Variants in ACVRL1 observed in about 807,000 individuals in gnomAD.
ACVRL1 encodes the protein activin A receptor like type 1.
Under a neutral mutation model 51.9 loss-of-function variants are expected in ACVRL1, and 20 were observed. The ratio of observed to expected loss-of-function variants is 0.39; its 90% CI spans 0.27 to 0.56. The LOEUF (loss-of-function observed/expected upper bound fraction) is 0.56. Among genes scored for constraint, ACVRL1 ranks in the 20% least tolerant of loss-of-function variants. The pLI is 0.67. For synonymous variants in ACVRL1, 288 were observed against 280.9 expected (o/e 1.03, Z -0.25); for missense variants, 451 against 670.3 (o/e 0.67, Z 3.61).
chr12:51,912,411 C>A, intron 1 of ACVRL1, 59 bp from the exon 2 acceptor site: 1 of 1,581,330 alleles, frequency 6.3e-7, no homozygotes, highest in Non-Finnish European at 8.7e-7. Flanking sequence ...GAGGGAGCCA[C>A]GGCCAGCGGC....
intron 1 of ACVRL1, among the ~76,000 whole-genome samples, chr12:51,909,532 T>G (rs1158821866): frequency 6.6e-6 from 1 of 152,078 alleles, no homozygotes; most frequent in South Asian, 2.1e-4. Flanking sequence ...TGTCTTCATT[T>G]AAACAAATCT....
At chr12:51,916,001 GA>G (rs1310064476) in intron 7 of ACVRL1, 34 bp from the exon 8 acceptor site, 1 of 1,599,052 alleles carries the variant, frequency 6.3e-7, no homozygotes, top group African/African-American at 1.3e-5. Flanking sequence ...CCAGGTTTGG[GA>G]GAGGGGCAGG....
At chr12:51,915,866 T>C (rs1940825808) in intron 7 of ACVRL1, 170 bp from the exon 8 acceptor site, 1 of 725,704 alleles carries the variant, frequency 1.4e-6, no homozygotes, top group African/African-American at 1.8e-5. Context: ...AAGCAAAGAG[T>C]ACCTGGGGCC....
chr12:51,915,124 C>T, intron 6 of ACVRL1, 101 bp from the exon 7 acceptor site: 1 of 1,309,784 alleles, frequency 7.6e-7, no homozygotes, highest in Non-Finnish European at 1.1e-6. Flanking sequence ...TAGCAGTGAC[C>T]CAGTCCATTC....
At chr12:51,910,862 C>T (rs1042458185) in intron 1 of ACVRL1, among the ~76,000 whole-genome samples, 1 of 152,210 alleles carries the variant, frequency 6.6e-6, no homozygotes, top group African/African-American at 2.4e-5. Flanking sequence ...GTTTCCTCCC[C>T]CAGCCTGGGC....
At position 51,913,273 on chromosome 12, in the gene ACVRL1, G is replaced by A. The variant is rs1283365095; in HGVS notation, c.236G>A (p.Gly79Glu). The A allele has an allele frequency of 2.5e-6, 4 of 1,601,290 alleles. No individual in the cohort carries two copies. The highest frequency in any genetic ancestry group is 3.4e-5 in the Admixed American group (2 of 58,464). ...CGNLHRELCR[G>E]RPTEFVNHYC... ...AACTTGCACAGGGAGCTCTGCAGGG[G>A]GCGCCCCACCGAGTTCGTCAACCAC... The change falls in exon 3 of 10, where the codon GGG becomes GAG. Residue 79 changes from glycine (G) to glutamate (E), a missense_variant. Gly to Glu is a moderately conservative substitution (Grantham distance 98). This residue lies in a region of ACVRL1 where 192 missense variants were observed against 216.9 expected (regional missense o/e 0.89). Coordinates refer to ENST00000388922, the MANE Select transcript of ACVRL1 (RefSeq NM_000020.3).
rs979229303 is a variant in ACVRL1, at chr12:51,921,141, A to G, written c.*248A>G. On this transcript the variant is annotated 3_prime_UTR_variant, in exon 10 of 10. Coordinates refer to ENST00000388922, the MANE Select transcript of ACVRL1 (RefSeq NM_000020.3). ...TGGCTCTCTCCCCACCCCTATGGCC[A>G]GCATGGTGCACCCCCTACCACTCCC... 7 of 538,594 alleles carry G rather than the reference A, an allele frequency of 1.3e-5. No homozygotes were observed. In the East Asian group the frequency reaches 2.3e-4, roughly 18 times the overall value. 33.4% of individuals were successfully genotyped at this position (538,594 alleles called of 1,614,324 possible).
At chr12:51,916,359 C>G (rs1424133598) in intron 8 of ACVRL1, 126 bp downstream of exon 8, 1 of 987,186 alleles carries the variant, frequency 1.0e-6, no homozygotes, top group Non-Finnish European at 1.5e-6. Context: ...CCCTTCCATG[C>G]TGCCCACCAG....
chr12:51,913,474 T>C lies in ACVRL1; in HGVS notation c.314-85T>C. 5 of 1,533,898 alleles carry C rather than the reference T, an allele frequency of 3.3e-6. No individual in the cohort carries two copies. The South Asian group carries it at 6.0e-5, about 18-fold the overall frequency. ...GCGGGGGAGCGGGTGGGCAGGACTC[T>C]GGGATCTAACTGGCAGAGTGGTCTG... On this transcript the variant is annotated intron_variant, in intron 3 of 9. Transcript: ENST00000388922.
At chr12:51,916,842 C>T (rs1940850450) in intron 8 of ACVRL1, among the ~76,000 whole-genome samples, 1 of 152,148 alleles carries the variant, frequency 6.6e-6, no homozygotes, top group South Asian at 2.1e-4. Context: ...GCTGTGGTGG[C>T]ACACACCTGT....
In ACVRL1 at chr12:51,921,585, C is replaced by G. The variant is rs1391891230; in HGVS notation, c.*692C>G. On this transcript the variant is annotated 3_prime_UTR_variant, in exon 10 of 10. Transcript: ENST00000388922. ...AAAAGGGCAGGTCAGATGGGCAAGG[C>G]CCAGGACTTTCAGATTAACTGAGAG... 6.4e-6 allele frequency: 1 copy of G among 157,238 alleles called. No individual in the cohort carries two copies. The highest frequency in any genetic ancestry group is 1.9e-4 in the South Asian group (1 of 5,228). 9.7% of individuals were successfully genotyped at this position (157,238 alleles called of 1,614,324 possible). A position where few individuals can be genotyped will look rare whatever the true frequency, so the allele number is the denominator to read the frequency against.
Position 51,907,643 on chromosome 12 carries a change from G to A in ACVRL1, c.-58G>A, listed in dbSNP as rs886049608. The A allele has an allele frequency of 6.6e-6, 1 of 152,100 alleles. No individual in the cohort carries two copies. The highest frequency in any genetic ancestry group is 1.5e-5 in the Non-Finnish European group (1 of 67,988). 9.4% of individuals were successfully genotyped at this position (152,100 alleles called of 1,614,324 possible). On this transcript the variant is annotated 5_prime_UTR_variant, in exon 1 of 10. Transcript: ENST00000388922. This position sits in a 1 kb window ranked among gnomAD's most constrained non-coding sequence, Gnocchi z 4.5. ...TGCGGCCGCGCGGTGGAGGGGAGGT[G>A]GCCCCGGTCCGCCGAAGGCTAGCGC... is the stretch of plus-strand genomic sequence containing the variant.
At chr12:51,918,039 T>A (rs1940880132) in intron 8 of ACVRL1, among the ~76,000 whole-genome samples, 1 of 152,148 alleles carries the variant, frequency 6.6e-6, no homozygotes, top group African/African-American at 2.4e-5. Flanking sequence ...TGGCGAAGGC[T>A]CTATCGAGGT....
chr12:51,920,006 A>G (rs1160010482), intron 9 of ACVRL1, among the ~76,000 whole-genome samples: 1 of 152,238 alleles, frequency 6.6e-6, no homozygotes, highest in Admixed American at 6.5e-5. Flanking sequence ...ATACATGTAT[A>G]CATCTATGTG....
intron 3 of ACVRL1, 40 bp from the exon 4 acceptor site, chr12:51,913,519 G>T (rs757209591): frequency 6.3e-7 from 1 of 1,576,760 alleles, no homozygotes. Flanking sequence ...GGGGGGAGCT[G>T]ACCTAGTGGA....
chr12:51,918,283 G>A (rs1020023517), intron 8 of ACVRL1, among the ~76,000 whole-genome samples: 1 of 152,218 alleles, frequency 6.6e-6, no homozygotes, highest in African/African-American at 2.4e-5. Flanking sequence ...CAGCTCAGAG[G>A]TCAAGAGCAC....
In ACVRL1 at chr12:51,919,099, G is replaced by A. The variant is rs751873489; in HGVS notation, c.1361G>A (p.Arg454Gln). 8.7e-6 allele frequency: 14 copies of A among 1,613,896 alleles called. No homozygotes were observed. Among genetic ancestry groups the A allele is most frequent in the South Asian group, 5.5e-5 (5 of 91,074 alleles). Residue 454 changes from arginine (R) to glutamine (Q), a missense_variant, in exon 9 of 10, where the codon CGG (arginine) becomes CAG (glutamine). By Grantham distance (43) the Arg-to-Gln change is conservative (BLOSUM62 1). Coordinates refer to ENST00000388922, the MANE Select transcript of ACVRL1 (RefSeq NM_000020.3). The part of the protein sequence containing the change: ...VDQQTPTIPN[R>Q]LAADPVLSGL... The stretch of plus-strand genomic sequence containing the variant: ...CAGCAGACCCCCACCATCCCTAACC[G>A]GCTGGCTGCAGACCCGGTGAGGCCT...
intron 1 of ACVRL1, among the ~76,000 whole-genome samples, chr12:51,910,791 G>A (rs1316539823): frequency 6.6e-6 from 1 of 152,202 alleles, no homozygotes; most frequent in African/African-American, 2.4e-5. Context: ...GGCTGCGGGA[G>A]GGGCAAGAGG....
Position 51,922,486 on chromosome 12 carries a change from A to G in ACVRL1, c.*1593A>G, listed in dbSNP as rs1307750314. The G allele has an allele frequency of 6.6e-6, 1 of 152,254 alleles. No individual in the cohort carries two copies. Among genetic ancestry groups the G allele is most frequent in the Non-Finnish European group, 1.5e-5 (1 of 68,050 alleles). The allele number at this position is 152,254 out of a possible 1,614,324, so 9.4% of individuals were successfully genotyped here. A position where few individuals can be genotyped will look rare whatever the true frequency, so the allele number is the denominator to read the frequency against. ...CTGGCTCAGGCCCACACCCCTGGCC[A>G]GGCCCAGAGAGTGTGTCTCAGGAGA... On this transcript the variant is annotated 3_prime_UTR_variant, in exon 10 of 10. Transcript: ENST00000388922.
Sources: gnomAD v4.1 joint callset for allele counts (sites outside exome capture counted in the v4.1 genomes callset) on GRCh38, gnomAD v4.1.1 for gene constraint, gnomAD v4.1.1 regional missense constraint, Gnocchi (gnomAD v3.1) non-coding constraint, MANE v1.5 for transcripts, NCBI Gene and HGNC (gene_info 2026-07-23, HGNC 2026-07-21) for gene names.